EPB41L4B: variants seen among roughly 807,000 people sequenced by gnomAD.
EPB41L4B encodes the protein erythrocyte membrane protein band 4.1 like 4B, also known as band 4.1-like protein 4B.
EPB41L4B carries 30 observed loss-of-function variants against 112.5 expected under a neutral mutation model. That is an observed-to-expected ratio of 0.27 (90% CI 0.20 to 0.36). The LOEUF (loss-of-function observed/expected upper bound fraction) is 0.36, where lower values mean the gene tolerates loss of function less well. Ranked by LOEUF, EPB41L4B falls within the 10% of genes least tolerant of loss-of-function variation. EPB41L4B has a pLI of 1.00. For missense variants in EPB41L4B, 1,024 were observed against 1,133.3 expected (o/e 0.90, Z 1.38); for synonymous variants, 408 against 439.7 (o/e 0.93, Z 0.90).
At chr9:109,287,929 G>T (rs1564321907) in intron 1 of EPB41L4B, among the ~76,000 whole-genome samples, 1 of 152,198 alleles carries the variant, frequency 6.6e-6, no homozygotes. Flanking sequence ...CCAGCTTCGG[G>T]AAGGCCTCTT....
At chr9:109,308,657 T>C (rs376296805) in intron 1 of EPB41L4B, among the ~76,000 whole-genome samples, 5 of 152,208 alleles carry the variant, frequency 3.3e-5, no homozygotes, top group African/African-American at 1.2e-4. Flanking sequence ...ATTCCTGGAC[T>C]CAAGTGATCC....
chr9:109,254,928 A>G (rs867450092), intron 11 of EPB41L4B, among the ~76,000 whole-genome samples: 2 of 152,248 alleles, frequency 1.3e-5, no homozygotes, highest in Non-Finnish European at 2.9e-5. Flanking sequence ...TAGCAGTTAG[A>G]AATTTAACAG....
chr9:109,184,611 T>C (rs1175441664), intron 23 of EPB41L4B, among the ~76,000 whole-genome samples: 3 of 152,252 alleles, frequency 2.0e-5, no homozygotes, highest in African/African-American at 7.2e-5. Context: ...AAAATAGATT[T>C]CAACAATTAC....
Position 109,268,424 on chromosome 9 carries a change from C to A in EPB41L4B, c.421G>T (p.Asp141Tyr). ...LDSAQVAHWL[D>Y]HAKPIKKQMK... ...TGCTTTTTTATGGGTTTGGCATGAT[C>A]CAGCCAGTGCTGAAAGAAAGAAAAA... Residue 141 changes from aspartate to tyrosine, a missense_variant, in exon 3 of 26, where the codon GAT becomes TAT. By Grantham distance (160) the Asp-to-Tyr change is radical (BLOSUM62 -3). Transcript: ENST00000374566. 3 of 1,608,980 alleles carry A rather than the reference C, an allele frequency of 1.9e-6. No individual in the cohort carries two copies. Among genetic ancestry groups the A allele is most frequent in the Non-Finnish European group, 2.5e-6 (3 of 1,178,900 alleles).
intron 21 of EPB41L4B, among the ~76,000 whole-genome samples, chr9:109,193,212 C>A (rs565073337): frequency 6.6e-6 from 1 of 152,300 alleles, no homozygotes; most frequent in Admixed American, 6.5e-5. Flanking sequence ...GGTTTCTGTG[C>A]AGAACACTAA....
intron 1 of EPB41L4B, among the ~76,000 whole-genome samples, chr9:109,282,808 A>G (rs1339202124): frequency 1.3e-5 from 2 of 151,986 alleles, no homozygotes; most frequent in African/African-American, 4.8e-5. Flanking sequence ...CTGCTGCCTC[A>G]GCCTCCCGAG....
intron 1 of EPB41L4B, among the ~76,000 whole-genome samples, chr9:109,318,635 TCTC>T (rs1220637953): frequency 6.6e-6 from 1 of 151,766 alleles, no homozygotes; most frequent in Non-Finnish European, 1.5e-5. Flanking sequence ...CCTGCTCCCC[TCTC>T]CTCCTCCCCG....
intron 6 of EPB41L4B, among the ~76,000 whole-genome samples, chr9:109,261,170 T>C (rs529378457): frequency 2.0e-5 from 3 of 152,324 alleles, no homozygotes; most frequent in Non-Finnish European, 4.4e-5. Flanking sequence ...CCTGTCGTTA[T>C]AGCACTTGCC....
At chr9:109,299,260 G>C (rs1836863708) in intron 1 of EPB41L4B, among the ~76,000 whole-genome samples, 1 of 152,146 alleles carries the variant, frequency 6.6e-6, no homozygotes, top group South Asian at 2.1e-4. Context: ...TAAGAACCTT[G>C]TATGGCTCTC....
chr9:109,254,682 G>T (rs1242576315), intron 11 of EPB41L4B, among the ~76,000 whole-genome samples: 4 of 152,128 alleles, frequency 2.6e-5, no homozygotes, highest in Non-Finnish European at 4.4e-5. Context: ...GACTGCAAAG[G>T]TCTCAGATGA....
chr9:109,232,589 T>C (rs1833991115), intron 15 of EPB41L4B, among the ~76,000 whole-genome samples: 1 of 152,180 alleles, frequency 6.6e-6, no homozygotes, highest in Admixed American at 6.5e-5. Context: ...GAAGTGTTAT[T>C]TTTCCACTCC....
At chr9:109,236,862 T>G (rs2118934636) in intron 15 of EPB41L4B, among the ~76,000 whole-genome samples, 1 of 152,322 alleles carries the variant, frequency 6.6e-6, no homozygotes, top group East Asian at 1.9e-4. Flanking sequence ...CACCGCCTCC[T>G]GTAGCAAGAG....
chr9:109,238,005 T>G (rs371112313), intron 15 of EPB41L4B, among the ~76,000 whole-genome samples: 96 of 152,134 alleles, frequency 6.3e-4, no homozygotes, highest in African/African-American at 2.3e-3. Context: ...TCCCCACGGT[T>G]GCAAATGGTG....
At position 109,254,700 on chromosome 9, in the gene EPB41L4B, G is replaced by T. The variant is rs910004017; in HGVS notation, c.1169+811C>A. On this transcript the variant is annotated intron_variant, in intron 11 of 25. Coordinates refer to ENST00000374566, the MANE Select transcript of EPB41L4B (RefSeq NM_019114.5). ...TGCAAAGGTCTCAGATGAGGTTGTTGTCCTCATTTTTAACAAACACCAAGA... is the reference window on the plus strand; with the variant it reads ...TGCAAAGGTCTCAGATGAGGTTGTTTTCCTCATTTTTAACAAACACCAAGA... Among the ~76,000 whole-genome samples the T allele has an allele frequency of 2.6e-5, 4 of 152,258 alleles. No homozygotes were observed. In the South Asian group the frequency reaches 8.3e-4, roughly 32 times the overall value.
At position 109,208,017 on chromosome 9, in the gene EPB41L4B, A is replaced by C. The variant is rs1564266167; in HGVS notation, c.1785T>G (p.Leu595=). Reference sequence around the variant, plus strand: ...CAGGGGAAGGCAAAAGTGGAGTCTGAAGAGTTTTCTCCGAGACTTTCTTTT... The same window carrying C: ...CAGGGGAAGGCAAAAGTGGAGTCTGCAGAGTTTTCTCCGAGACTTTCTTTT... ...AEEKKVSEKT[L]QTPLLPSPVA... The change falls in exon 18 of 26, where the codon CTT becomes CTG. Residue 595 remains leucine (L), a synonymous_variant. Coordinates refer to ENST00000374566, the MANE Select transcript of EPB41L4B (RefSeq NM_019114.5). 1 of 1,614,190 alleles carries C rather than the reference A, an allele frequency of 6.2e-7. No homozygotes were observed. The highest frequency in any genetic ancestry group is 1.1e-5 in the South Asian group (1 of 91,076).
chr9:109,223,740 C>T (rs1329977947), intron 15 of EPB41L4B, among the ~76,000 whole-genome samples: 8 of 152,220 alleles, frequency 5.3e-5, no homozygotes, highest in Middle Eastern at 3.4e-3. Flanking sequence ...AGGGGGAGGC[C>T]GGGCACGGTG....
intron 20 of EPB41L4B, 116 bp from the exon 21 acceptor site, chr9:109,194,513 A>G: frequency 9.0e-7 from 1 of 1,106,040 alleles, no homozygotes; most frequent in East Asian, 2.4e-5. Flanking sequence ...GGGGGTTCCC[A>G]AACAGATGTC....
chr9:109,266,710 G>A (rs954616123), intron 4 of EPB41L4B, among the ~76,000 whole-genome samples: 7 of 152,190 alleles, frequency 4.6e-5, no homozygotes, highest in Admixed American at 2.0e-4. Context: ...GCTCACACCT[G>A]TAATCCCAGC....
intron 17 of EPB41L4B, among the ~76,000 whole-genome samples, chr9:109,211,904 T>TGGTG (rs111715992): frequency 2.7e-5 from 4 of 148,444 alleles, no homozygotes; most frequent in Admixed American, 6.7e-5. Context: ...ATAGTAGAGA[T>TGGTG]GGGGGGGGTC....
Sources: allele counts gnomAD v4.1 joint callset (sites outside exome capture counted in the v4.1 genomes callset), GRCh38; gene constraint gnomAD v4.1.1; transcripts MANE v1.5; gene names NCBI Gene and HGNC (gene_info 2026-07-23, HGNC 2026-07-21).